The following RSF1 variants were observed in gnomAD, a reference collection of about 807,000 sequenced individuals.
RSF1 encodes HBV pX-associated protein 8.
RSF1 carries 13 observed loss-of-function variants against 145.2 expected under a neutral mutation model. The observed-to-expected ratio is 0.09, with a 90% CI of 0.06 to 0.14. The LOEUF (loss-of-function observed/expected upper bound fraction) is 0.14. RSF1 is among the 10% of genes least tolerant of loss of function. The pLI, the probability that RSF1 is intolerant of heterozygous loss-of-function variation, is 1.00. For missense variants in RSF1, 1,517 were observed against 1,718.2 expected (o/e 0.88, Z 2.07); for synonymous variants, 577 against 592.6 (o/e 0.97, Z 0.38).
the RSF1 span, among the ~76,000 whole-genome samples, chr11:77,857,141 C>T: frequency 6.6e-6 from 1 of 152,180 alleles, no homozygotes; most frequent in African/African-American, 2.4e-5. Context: ...TTTCTGCCTT[C>T]AAGAAGCTCT....
intron 1 of RSF1, among the ~76,000 whole-genome samples, chr11:77,773,274 A>G (rs1030806077): frequency 6.6e-6 from 1 of 152,042 alleles, no homozygotes; most frequent in Non-Finnish European, 1.5e-5. Context: ...GAAATTTGCC[A>G]TTTTAATCAT....
At chr11:77,732,736 C>T (rs1290215317) in intron 4 of RSF1, among the ~76,000 whole-genome samples, 1 of 152,218 alleles carries the variant, frequency 6.6e-6, no homozygotes, top group Non-Finnish European at 1.5e-5. Context: ...TTCTTGCCTT[C>T]TGCCATAATT....
intron 1 of RSF1, among the ~76,000 whole-genome samples, chr11:77,815,179 C>A (rs571151309): frequency 2.6e-5 from 4 of 152,160 alleles, no homozygotes; most frequent in Admixed American, 6.5e-5. Context: ...AGTACAAGAG[C>A]GAGCAAAAAT....
chr11:77,663,297 C>G lies in RSF1; in HGVS notation c.*3620G>C, dbSNP rs538139784. On this transcript the variant is annotated 3_prime_UTR_variant, in exon 16 of 16. Coordinates refer to ENST00000308488, the MANE Select transcript of RSF1 (RefSeq NM_016578.4). ...ACACCCCACCAGTCCCACTTAAAAA[C>G]AGCTAACATTTCCTCATCATTTTGA... The G allele has an allele frequency of 6.6e-6, 1 of 152,174 alleles. No homozygotes were observed. The highest frequency in any genetic ancestry group is 1.5e-5 in the Non-Finnish European group (1 of 68,014). The allele number at this position is 152,174 out of a possible 1,614,324, so 9.4% of individuals were successfully genotyped here.
At chr11:77,682,007 G>A (rs561040496) in intron 11 of RSF1, among the ~76,000 whole-genome samples, 2 of 151,948 alleles carry the variant, frequency 1.3e-5, no homozygotes, top group South Asian at 2.1e-4. Context: ...TAATCTCTAT[G>A]GTTTTTCCTG....
In RSF1 at chr11:77,820,663, C is replaced by A; in HGVS notation, c.52G>T (p.Gly18Cys). 1.3e-6 allele frequency: 2 copies of A among 1,557,126 alleles called. No homozygotes were observed. Among genetic ancestry groups the A allele is most frequent in the Non-Finnish European group, 1.7e-6 (2 of 1,151,780 alleles). ...AAVMAPPGCP[G>C]SCPNFAVVCS... ...ACTACGGCGAAGTTGGGGCACGAAC[C>A]CGGGCAGCCCGGAGGAGCCATCACC... The change falls in exon 1 of 16, where the codon GGT becomes TGT. Residue 18 changes from glycine to cysteine, a missense_variant. Gly to Cys is a radical substitution (Grantham distance 159). Coordinates refer to ENST00000308488, the MANE Select transcript of RSF1 (RefSeq NM_016578.4).
intron 1 of RSF1, among the ~76,000 whole-genome samples, chr11:77,789,279 T>C (rs1281400158): frequency 2.6e-5 from 4 of 151,966 alleles, no homozygotes; most frequent in African/African-American, 9.7e-5. Context: ...TGTCGGGAGA[T>C]TGTATGAAGA....
upstream of RSF1, chr11:77,821,114 G>A: frequency 2.3e-6 from 1 of 439,568 alleles, no homozygotes; most frequent in Non-Finnish European, 4.0e-6. Context: ...CTCGGGCGCT[G>A]TTCAACTGCA....
intron 2 of RSF1, among the ~76,000 whole-genome samples, chr11:77,756,108 A>G (rs1452340814): frequency 6.6e-6 from 1 of 152,172 alleles, no homozygotes; most frequent in Non-Finnish European, 1.5e-5. Flanking sequence ...CTGTAATCCC[A>G]GCACTTTGGG....
rs142934304 is a variant in RSF1 at position 77,713,315 on chromosome 11, G to C, written c.734-10820C>G. Among the ~76,000 whole-genome samples, 330 of 152,052 alleles carry C rather than the reference G, an allele frequency of 2.2e-3. 8 individuals carry two copies. The highest frequency in any genetic ancestry group is 0.017 in the Admixed American group (260 of 15,272). On this transcript the variant is annotated intron_variant, in intron 5 of 15. Coordinates refer to ENST00000308488, the MANE Select transcript of RSF1 (RefSeq NM_016578.4). Reference sequence around the variant, plus strand: ...GTCTATCTGAAAGTCACATTGGCTGGACATAAAGTCCCTGGCTGACATTTT... The same window carrying C: ...GTCTATCTGAAAGTCACATTGGCTGCACATAAAGTCCCTGGCTGACATTTT...
the RSF1 span, among the ~76,000 whole-genome samples, chr11:77,855,946 T>C: frequency 1.3e-5 from 2 of 152,020 alleles, no homozygotes; most frequent in Non-Finnish European, 2.9e-5. Context: ...GGCAAAACCC[T>C]GGCTCTAGCA....
intron 4 of RSF1, among the ~76,000 whole-genome samples, chr11:77,737,829 G>GT (rs1300482967): frequency 6.6e-6 from 1 of 151,974 alleles, no homozygotes; most frequent in Non-Finnish European, 1.5e-5. Flanking sequence ...TAGAAAGGTT[G>GT]TAAGAAAAGC....
At chr11:77,857,792 G>A in the RSF1 span, among the ~76,000 whole-genome samples, 11 of 151,720 alleles carry the variant, frequency 7.3e-5, no homozygotes, top group African/African-American at 2.7e-4. Context: ...CACCTCCCAG[G>A]TTCAAGTGAT....
chr11:77,737,235 C>T (rs889967327), intron 4 of RSF1, among the ~76,000 whole-genome samples: 8 of 152,056 alleles, frequency 5.3e-5, no homozygotes, highest in Non-Finnish European at 1.0e-4. Flanking sequence ...ATAGCTTGTG[C>T]TCGGGAGTTC....
chr11:77,856,282 C>A, the RSF1 span, among the ~76,000 whole-genome samples: 1 of 152,180 alleles, frequency 6.6e-6, no homozygotes, highest in Non-Finnish European at 1.5e-5. Flanking sequence ...ATCTCCGAGA[C>A]CTTCTCAGCC....
intron 6 of RSF1, 106 bp downstream of exon 6, chr11:77,700,615 A>C (rs991620708): frequency 1.3e-6 from 1 of 750,358 alleles, no homozygotes; most frequent in Non-Finnish European, 2.1e-6. Context: ...CAGAGGAAGA[A>C]AGATACTTTG....
rs1959255880 is a variant in RSF1 at position 77,662,596 on chromosome 11, A to T, written c.*4321T>A. 1 of 152,144 alleles carries T rather than the reference A, an allele frequency of 6.6e-6. No individual in the cohort carries two copies. The highest frequency in any genetic ancestry group is 1.5e-5 in the Non-Finnish European group (1 of 68,016). The allele number at this position is 152,144 out of a possible 1,614,324, so 9.4% of individuals were successfully genotyped here. A position where few individuals can be genotyped will look rare whatever the true frequency, so the allele number is the denominator to read the frequency against. On this transcript the variant is annotated 3_prime_UTR_variant, in exon 16 of 16. Coordinates refer to ENST00000308488, the MANE Select transcript of RSF1 (RefSeq NM_016578.4). ...TTTGAAAACAAATTAGTGAACATAT[A>T]GCAACTCAGTTTAAATACATTGATA...
At chr11:77,677,763 A>G (rs1385346922) in intron 12 of RSF1, among the ~76,000 whole-genome samples, 1 of 152,188 alleles carries the variant, frequency 6.6e-6, no homozygotes, top group Non-Finnish European at 1.5e-5. Context: ...AATTTTTGAG[A>G]CTTTGTAGTC....
the RSF1 span, among the ~76,000 whole-genome samples, chr11:77,848,043 G>A: frequency 1.9e-4 from 29 of 152,166 alleles, no homozygotes; most frequent in Non-Finnish European, 3.4e-4. Flanking sequence ...ACATAGGGGA[G>A]GGTAGTCTAC....
Sources: allele counts gnomAD v4.1 joint callset (sites outside exome capture counted in the v4.1 genomes callset), GRCh38; gene constraint gnomAD v4.1.1; transcripts MANE v1.5; gene names NCBI Gene and HGNC (gene_info 2026-07-23, HGNC 2026-07-21).